IL5RA: variants seen among roughly 807,000 people sequenced by gnomAD.
IL5RA encodes interleukin 5 receptor subunit alpha.
IL5RA carries 49 observed loss-of-function variants against 50.0 expected under a neutral mutation model. That is an observed-to-expected ratio of 0.98 (90% CI 0.78 to 1.24). The LOEUF is 1.24. Among genes scored for constraint, IL5RA ranks in the 50% most tolerant of loss-of-function variants. The pLI is 0.00. For synonymous variants in IL5RA, 202 were observed against 174.0 expected (o/e 1.16, Z -1.26); for missense variants, 600 against 500.4 (o/e 1.20, Z -1.90).
chr3:3,096,722 T>G (rs1703384390), intron 7 of IL5RA, among the ~76,000 whole-genome samples: 1 of 152,214 alleles, frequency 6.6e-6, no homozygotes, highest in Non-Finnish European at 1.5e-5. Context: ...TTAGTTCACC[T>G]AAGAAATATA....
At chr3:3,073,478 A>G (rs964281943) in intron 11 of IL5RA, among the ~76,000 whole-genome samples, 9 of 152,206 alleles carry the variant, frequency 5.9e-5, no homozygotes, top group African/African-American at 2.2e-4. Flanking sequence ...TCACACTACA[A>G]TGGCAGAGTT....
chr3:3,091,205 ATCT>A (rs1430634819), intron 9 of IL5RA, among the ~76,000 whole-genome samples: 20 of 152,182 alleles, frequency 1.3e-4, no homozygotes, highest in Admixed American at 7.2e-4. Context: ...CAGTTTTGGA[ATCT>A]TCTTTTTTTA....
chr3:3,081,031 G>T (rs1356301736), intron 9 of IL5RA, among the ~76,000 whole-genome samples: 4 of 151,256 alleles, frequency 2.6e-5, no homozygotes, highest in African/African-American at 9.7e-5. Context: ...GTTTTTTTTT[G>T]AAATATACTT....
chr3:3,090,254 A>G, intron 9 of IL5RA: 7 of 1,588,288 alleles, frequency 4.4e-6, no homozygotes, highest in Non-Finnish European at 6.0e-6. Context: ...TATCTTGAGA[A>G]CCCTAGGAAA....
At chr3:3,088,023 A>T (rs527679046) in intron 9 of IL5RA, among the ~76,000 whole-genome samples, 1 of 152,248 alleles carries the variant, frequency 6.6e-6, no homozygotes, top group Non-Finnish European at 1.5e-5. Flanking sequence ...TCTTCATGAA[A>T]AGGATGGCAG....
At chr3:3,097,522 C>A (rs748280749) in intron 7 of IL5RA, among the ~76,000 whole-genome samples, 1 of 152,138 alleles carries the variant, frequency 6.6e-6, no homozygotes, top group Non-Finnish European at 1.5e-5. Flanking sequence ...TGATTCTCAA[C>A]TGGGGGAAAT....
chr3:3,084,586 C>T (rs1369009965), intron 9 of IL5RA, among the ~76,000 whole-genome samples: 2 of 152,250 alleles, frequency 1.3e-5, no homozygotes, highest in Non-Finnish European at 2.9e-5. Context: ...GCTGGCAGAG[C>T]TTCCTGCTTG....
chr3:3,072,944 G>C (rs1472243184), intron 11 of IL5RA, among the ~76,000 whole-genome samples: 1 of 152,086 alleles, frequency 6.6e-6, no homozygotes, highest in Non-Finnish European at 1.5e-5. Flanking sequence ...TTACTCAGGG[G>C]TAAGTGTGCT....
chr3:3,106,374 C>T (rs1439551405), intron 2 of IL5RA, among the ~76,000 whole-genome samples: 1 of 152,130 alleles, frequency 6.6e-6, no homozygotes, highest in Admixed American at 6.5e-5. Flanking sequence ...ACTTAAGTTG[C>T]TACAATTACT....
At chr3:3,101,666 A>ACTGGACTT in intron 5 of IL5RA, 26 bp downstream of exon 5, 1 of 1,604,320 alleles carries the variant, frequency 6.2e-7, no homozygotes, top group Non-Finnish European at 8.5e-7. Context: ...AAACATACAA[A>ACTGGACTT]CTGGACTTTT....
intron 11 of IL5RA, among the ~76,000 whole-genome samples, chr3:3,074,172 G>A (rs73006959): frequency 0.015 from 2,262 of 152,278 alleles, 25 homozygotes; most frequent in Non-Finnish European, 0.022. Context: ...AAAATAATTT[G>A]CCTTTTCTAT....
chr3:3,090,136 T>C (rs1472016871), intron 9 of IL5RA: 1 of 1,449,242 alleles, frequency 6.9e-7, no homozygotes, highest in East Asian at 2.3e-5. Flanking sequence ...TTTAGCATAG[T>C]GCTTGGCAAA....
At chr3:3,100,980 CAAT>C (rs35949387) in intron 5 of IL5RA, among the ~76,000 whole-genome samples, 10,264 of 141,572 alleles carry the variant, frequency 0.073, 418 homozygotes, top group South Asian at 0.093. Flanking sequence ...AACCCCATCT[CAAT>C]AATAATAATA....
At chr3:3,107,188 TCA>T (rs995942940) in intron 2 of IL5RA, among the ~76,000 whole-genome samples, 6 of 152,066 alleles carry the variant, frequency 3.9e-5, no homozygotes, top group African/African-American at 1.2e-4. Context: ...TTGAACAAAA[TCA>T]GTTGTCCTAT....
intron 9 of IL5RA, among the ~76,000 whole-genome samples, chr3:3,079,758 G>A (rs9869006): frequency 0.016 from 2,490 of 152,174 alleles, 31 homozygotes; most frequent in African/African-American, 0.04. Context: ...TTTTTGGGCC[G>A]GGTGTGTTAG....
rs1559880779 is a variant in IL5RA at position 3,104,915 on chromosome 3, GAAGT to G, written c.66_69del (p.Leu22PhefsTer41). 6.2e-6 allele frequency: 10 copies of G among 1,603,762 alleles called. No homozygotes were observed. Among genetic ancestry groups the G allele is most frequent in the Non-Finnish European group, 7.7e-6 (9 of 1,171,040 alleles). ...AGAAGGTCCTTACTCTTTTCATCAG[GAAGT>G]AAGTCAGCTTGCAGTATCTCAGTGG... is the stretch of plus-strand genomic sequence containing the variant. On this transcript the variant is annotated frameshift_variant, in exon 3 of 12. Transcript: ENST00000446632. LOFTEE classifies it high-confidence loss of function.
At position 3,069,884 on chromosome 3, in the gene IL5RA, G is replaced by A. The variant is rs945582291; in HGVS notation, c.*341C>T. On this transcript the variant is annotated 3_prime_UTR_variant, in exon 12 of 12. Transcript: ENST00000446632. ...CAGCCAGAAGTAAATACAGCTGGAC[G>A]TTAGCCTTAAAAGCTGTCTGTTGTG... 37 of 196,064 alleles carry A rather than the reference G, an allele frequency of 1.9e-4. No individual in the cohort carries two copies. Among genetic ancestry groups the A allele is most frequent in the African/African-American group, 7.0e-4 (30 of 43,060 alleles). The allele number at this position is 196,064 out of a possible 1,614,324, so 12.1% of individuals were successfully genotyped here.
At chr3:3,078,089 C>A (rs1461766623) in intron 9 of IL5RA, among the ~76,000 whole-genome samples, 1 of 152,162 alleles carries the variant, frequency 6.6e-6, no homozygotes, top group African/African-American at 2.4e-5. Flanking sequence ...AATAGCAACA[C>A]AAGCAGTGAT....
At chr3:3,094,203 C>T (rs1238586137) in intron 8 of IL5RA, among the ~76,000 whole-genome samples, 1 of 152,102 alleles carries the variant, frequency 6.6e-6, no homozygotes, top group African/African-American at 2.4e-5. Flanking sequence ...ATTGTTGTGT[C>T]ACCAATGTTC....
Sources: allele counts gnomAD v4.1 joint callset (sites outside exome capture counted in the v4.1 genomes callset), GRCh38; gene constraint gnomAD v4.1.1; transcripts MANE v1.5; gene names NCBI Gene and HGNC (gene_info 2026-07-23, HGNC 2026-07-21).